ALDH18A1: variants seen among roughly 807,000 people sequenced by gnomAD.
ALDH18A1 encodes the protein aldehyde dehydrogenase 18 family member A1, also known as delta-1-pyrroline-5-carboxylate synthase.
A neutral mutation model predicts 88.8 loss-of-function variants in ALDH18A1; 44 were observed. The observed-to-expected ratio is 0.50, with a 90% CI of 0.39 to 0.64. The LOEUF is 0.64. Ranked by LOEUF, ALDH18A1 falls within the 30% of genes least tolerant of loss-of-function variation. The probability of loss-of-function intolerance (pLI) is 0.00; values close to 1 mark genes in which losing one functional copy is unlikely to be tolerated. For synonymous variants in ALDH18A1, 331 were observed against 372.1 expected, an observed-to-expected ratio of 0.89 and a Z score of 1.27; for missense variants, 782 against 1,009.5, an observed-to-expected ratio of 0.77 and a Z score of 3.05.
At chr10:95,655,149 ATT>A (rs2097915974) in intron 1 of ALDH18A1, among the ~76,000 whole-genome samples, 1 of 149,290 alleles carries the variant, frequency 6.7e-6, no homozygotes, top group African/African-American at 2.4e-5. Context: ...TATTATTATT[ATT>A]ATTATACTTT....
rs761416212 is a variant in ALDH18A1 at position 95,626,787 on chromosome 10, A to G, written c.1079-11T>C. On this transcript the variant is annotated splice_polypyrimidine_tract_variant and intron_variant, in intron 9 of 17. Transcript: ENST00000371224. ...GCTCAACAGTAGGGCCTGCAAGAAT[A>G]TGTGCAAATATCAGGTCATGGTCAC... is the stretch of plus-strand genomic sequence containing the variant. The G allele has an allele frequency of 1.1e-5, 18 of 1,613,746 alleles. No homozygotes were observed. Among genetic ancestry groups the G allele is most frequent in the Non-Finnish European group, 1.4e-5 (17 of 1,179,810 alleles).
At chr10:95,631,328 AC>A (rs2097868970) in intron 7 of ALDH18A1, among the ~76,000 whole-genome samples, 1 of 152,162 alleles carries the variant, frequency 6.6e-6, no homozygotes, top group African/African-American at 2.4e-5. Flanking sequence ...CAAAGGAAAA[AC>A]AAAAACAAAA....
rs148036479 is a variant in ALDH18A1, at chr10:95,618,788, G to A, written c.1468-2174C>T. Reference sequence around the variant, plus strand: ...GAGACTTGTGGTCAGAGAACAAAGTGAACCACAGGCTAAGATATTTGGAAA... The same window carrying A: ...GAGACTTGTGGTCAGAGAACAAAGTAAACCACAGGCTAAGATATTTGGAAA... On this transcript the variant is annotated intron_variant, in intron 12 of 17. Coordinates refer to ENST00000371224, the MANE Select transcript of ALDH18A1 (RefSeq NM_002860.4). Among the ~76,000 whole-genome samples the A allele has an allele frequency of 1.6e-3, 243 of 152,292 alleles. 7 individuals carry two copies. The East Asian group carries it at 0.042, about 26-fold the overall frequency.
At chr10:95,613,542 T>G (rs1212024801) in intron 15 of ALDH18A1, among the ~76,000 whole-genome samples, 200 bp downstream of exon 15, 1 of 152,242 alleles carries the variant, frequency 6.6e-6, no homozygotes, top group Non-Finnish European at 1.5e-5. Flanking sequence ...GTAATAAAGC[T>G]ATTTGTGTAT....
chr10:95,616,670 T>A, intron 12 of ALDH18A1, 56 bp from the exon 13 acceptor site: 2 of 1,570,168 alleles, frequency 1.3e-6, no homozygotes, highest in Non-Finnish European at 1.7e-6. Context: ...ATAGCAACAG[T>A]GATGTTAGCA....
intron 2 of ALDH18A1, among the ~76,000 whole-genome samples, chr10:95,650,790 G>A (rs866846237): frequency 2.1e-4 from 32 of 152,046 alleles, no homozygotes; most frequent in Non-Finnish European, 2.8e-4. Context: ...GGAAGATATA[G>A]AGAATTCTCA....
chr10:95,633,397 T>A, intron 6 of ALDH18A1, 94 bp downstream of exon 6: 1 of 1,496,238 alleles, frequency 6.7e-7, no homozygotes, highest in Non-Finnish European at 9.2e-7. Flanking sequence ...AACTTTTCCA[T>A]CTTGTTTATG....
intron 8 of ALDH18A1, among the ~76,000 whole-genome samples, 166 bp downstream of exon 8, chr10:95,628,202 T>G (rs2097863058): frequency 6.6e-6 from 1 of 152,258 alleles, no homozygotes; most frequent in African/African-American, 2.4e-5. Context: ...TAACCAAATG[T>G]TGGAATGCAA....
chr10:95,614,707 G>A lies in ALDH18A1; in HGVS notation c.1606-546C>T, dbSNP rs561760173. On this transcript the variant is annotated intron_variant, in intron 13 of 17. Transcript: ENST00000371224. ...TTAGAATGACTTAAAGAGCCTGTGA[G>A]AGGATACTGAGATTATGGGCATTTT... Among the ~76,000 whole-genome samples, 5 of 152,314 alleles carry A rather than the reference G, an allele frequency of 3.3e-5. No individual in the cohort carries two copies. In the East Asian group the frequency reaches 7.7e-4, roughly 24 times the overall value.
At chr10:95,608,126 T>C (rs778167204) in intron 17 of ALDH18A1, among the ~76,000 whole-genome samples, 2 of 152,242 alleles carry the variant, frequency 1.3e-5, no homozygotes, top group Non-Finnish European at 2.9e-5. Flanking sequence ...TAAAATCTGT[T>C]ACTGTCATTA....
intron 12 of ALDH18A1, among the ~76,000 whole-genome samples, chr10:95,619,570 G>T (rs1276179972): frequency 6.6e-6 from 1 of 152,138 alleles, no homozygotes; most frequent in South Asian, 2.1e-4. Flanking sequence ...AAACAGCATG[G>T]TACTGGTACC....
chr10:95,640,609 TG>T (rs1445840493), intron 3 of ALDH18A1, among the ~76,000 whole-genome samples: 2 of 152,208 alleles, frequency 1.3e-5, no homozygotes, highest in Non-Finnish European at 2.9e-5. Flanking sequence ...CCCAAGGTGT[TG>T]GGATTACAGG....
chr10:95,653,139 G>A, intron 2 of ALDH18A1, 151 bp downstream of exon 2: 2 of 733,064 alleles, frequency 2.7e-6, no homozygotes, highest in Admixed American at 4.1e-5. Context: ...ATGGAGCTAT[G>A]TTTGTGCCAC....
rs1257396648 is a variant in ALDH18A1, at chr10:95,637,277, C to A, written c.453+10G>T. The A allele has an allele frequency of 6.2e-7, 1 of 1,614,198 alleles. No homozygotes were observed. Among genetic ancestry groups the A allele is most frequent in the South Asian group, 1.1e-5 (1 of 91,090 alleles). ...AGATCCATTTCAATGTGTGGGGAAG[C>A]AGCACTCACCATTTCTTTCAGCTGG... On this transcript the variant is annotated intron_variant, in intron 4 of 17. Coordinates refer to ENST00000371224, the MANE Select transcript of ALDH18A1 (RefSeq NM_002860.4).
rs543458427 is a variant in ALDH18A1 at position 95,606,627 on chromosome 10, C to T, written c.*135G>A. 1.3e-6 allele frequency: 2 copies of T among 1,599,860 alleles called. No individual in the cohort carries two copies. The highest frequency in any genetic ancestry group is 3.4e-5 in the Admixed American group (2 of 59,578). On this transcript the variant is annotated 3_prime_UTR_variant, in exon 18 of 18. Transcript: ENST00000371224. ...CAAGACTGCTATTGCCAAACGGAGC[C>T]CAGAAGCATCCAGGTACACTTTCCA...
chr10:95,652,347 G>C (rs1475945175), intron 2 of ALDH18A1, among the ~76,000 whole-genome samples: 1 of 152,162 alleles, frequency 6.6e-6, no homozygotes, highest in African/African-American at 2.4e-5. Flanking sequence ...AAGGGTATAA[G>C]GGACCTTTTT....
At chr10:95,620,556 G>GCACATATC (rs1277655897) in intron 12 of ALDH18A1, among the ~76,000 whole-genome samples, 1 of 152,186 alleles carries the variant, frequency 6.6e-6, no homozygotes, top group Non-Finnish European at 1.5e-5. Context: ...TGATAGACTG[G>GCACATATC]ATTAAGAAAA....
At chr10:95,644,752 T>C (rs2097898305) in intron 2 of ALDH18A1, among the ~76,000 whole-genome samples, 1 of 152,236 alleles carries the variant, frequency 6.6e-6, no homozygotes, top group South Asian at 2.1e-4. Flanking sequence ...GAAAATGTTA[T>C]GTGGGATTTC....
At chr10:95,630,710 C>CG (rs201994172) in intron 7 of ALDH18A1, among the ~76,000 whole-genome samples, 3,250 of 151,904 alleles carry the variant, frequency 0.021, 108 homozygotes, top group African/African-American at 0.069. Flanking sequence ...GACTCCATCT[C>CG]AGGGGGGTGG....
Sources: gnomAD v4.1 joint callset for allele counts (sites outside exome capture counted in the v4.1 genomes callset) on GRCh38, gnomAD v4.1.1 for gene constraint, MANE v1.5 for transcripts, NCBI Gene and HGNC (gene_info 2026-07-23, HGNC 2026-07-21) for gene names.